Variants in MAPRE2 observed in about 807,000 individuals in gnomAD.
MAPRE2 encodes microtubule-associated protein RP/EB family member 2.
MAPRE2 carries 13 observed loss-of-function variants against 43.2 expected under a neutral mutation model. The observed-to-expected ratio is 0.30, with a 90% CI of 0.20 to 0.48. The LOEUF (loss-of-function observed/expected upper bound fraction) is 0.48, where lower values mean the gene tolerates loss of function less well. MAPRE2 is among the 20% of genes least tolerant of loss of function. The probability of loss-of-function intolerance (pLI) is 0.99; values close to 1 mark genes in which losing one functional copy is unlikely to be tolerated. For missense variants in MAPRE2, 161 were observed against 400.2 expected, an observed-to-expected ratio of 0.40 and a Z score of 5.10; for synonymous variants, 135 against 148.8, an observed-to-expected ratio of 0.91 and a Z score of 0.68.
chr18:35,043,430 T>A (rs998954877), intron 1 of MAPRE2, among the ~76,000 whole-genome samples: 1 of 152,232 alleles, frequency 6.6e-6, no homozygotes, highest in Non-Finnish European at 1.5e-5. Flanking sequence ...GTAAACTAAC[T>A]TGAAACGGCA....
chr18:35,105,152 A>G lies in MAPRE2; in HGVS notation c.610+2993A>G, dbSNP rs543056167. Among the ~76,000 whole-genome samples, 8 of 152,266 alleles carry G rather than the reference A, an allele frequency of 5.3e-5. No individual in the cohort carries two copies. The South Asian group carries it at 1.7e-3, about 32-fold the overall frequency. ...CGTGTGCCATTTTGATAGAATGTCCATGAACCTGAAAGAGAAATATATATT... is the reference window on the plus strand; with the variant it reads ...CGTGTGCCATTTTGATAGAATGTCCGTGAACCTGAAAGAGAAATATATATT... On this transcript the variant is annotated intron_variant, in intron 4 of 6. Coordinates refer to ENST00000300249, the MANE Select transcript of MAPRE2 (RefSeq NM_014268.4).
intron 2 of MAPRE2, among the ~76,000 whole-genome samples, chr18:35,075,705 T>A (rs1331083062): frequency 1.3e-5 from 2 of 152,126 alleles, no homozygotes; most frequent in East Asian, 3.9e-4. Flanking sequence ...ATGCTAATTT[T>A]AAAAGTTTAC....
In MAPRE2 at chr18:34,983,804, G is replaced by A. The variant is rs572267912; in HGVS notation, c.-70+6725G>A. ...GCCACCATATCCGGCTAATTTTTAT[G>A]TTTTTGGTAGAGATGAGGTTTCACC... On this transcript the variant is annotated intron_variant, in intron 1 of 7. Coordinates refer to the MAPRE2 transcript ENST00000413393. Among the ~76,000 whole-genome samples the A allele has an allele frequency of 1.5e-3, 231 of 152,054 alleles. 4 individuals carry two copies. Among genetic ancestry groups the A allele is most frequent in the African/African-American group, 5.3e-3 (220 of 41,478 alleles).
chr18:35,034,575 A>G (rs1324446243), intron 2 of MAPRE2, among the ~76,000 whole-genome samples: 1 of 152,190 alleles, frequency 6.6e-6, no homozygotes, highest in South Asian at 2.1e-4. Context: ...TGAACAGGCA[A>G]CCTACAAAAT....
upstream of MAPRE2, among the ~76,000 whole-genome samples, chr18:35,037,773 T>C (rs1442628878): frequency 3.3e-5 from 5 of 152,178 alleles, no homozygotes; most frequent in African/African-American, 2.4e-5. Context: ...CCTCTTCCAT[T>C]TTAGACCATC....
chr18:35,053,084 G>T (rs1906035904), intron 1 of MAPRE2, among the ~76,000 whole-genome samples: 1 of 150,022 alleles, frequency 6.7e-6, no homozygotes, highest in Non-Finnish European at 1.5e-5. Flanking sequence ...TCCATCCTCA[G>T]TAAGTACATA....
intron 2 of MAPRE2, among the ~76,000 whole-genome samples, chr18:35,087,103 A>T (rs1907916120): frequency 6.6e-6 from 1 of 152,144 alleles, no homozygotes; most frequent in East Asian, 1.9e-4. Context: ...ATGAATGTTC[A>T]TTTTTGAGCT....
chr18:34,989,813 A>G (rs1314311999), intron 1 of MAPRE2, among the ~76,000 whole-genome samples: 4 of 151,956 alleles, frequency 2.6e-5, no homozygotes, highest in Admixed American at 2.6e-4. Context: ...TTCTGCAGAC[A>G]TTCTCATTCA....
At chr18:35,082,456 C>CTAA (rs1329955437) in intron 2 of MAPRE2, among the ~76,000 whole-genome samples, 19 of 152,146 alleles carry the variant, frequency 1.2e-4, no homozygotes, top group Non-Finnish European at 1.5e-5. Flanking sequence ...AGCTGCATTC[C>CTAA]ACCTTTCCAA....
chr18:35,073,244 T>C (rs139225594), intron 2 of MAPRE2, among the ~76,000 whole-genome samples: 221 of 152,340 alleles, frequency 1.5e-3, no homozygotes, highest in African/African-American at 5.1e-3. Context: ...TAATTTAATC[T>C]GTGACTTTTG....
intron 2 of MAPRE2, among the ~76,000 whole-genome samples, chr18:35,032,227 G>A (rs2097048158): frequency 6.6e-6 from 1 of 152,160 alleles, no homozygotes; most frequent in Non-Finnish European, 1.5e-5. Context: ...GGAATCTTCT[G>A]TCTGTATTTG....
chr18:35,061,880 G>A (rs1042549315), intron 1 of MAPRE2, among the ~76,000 whole-genome samples: 2 of 152,206 alleles, frequency 1.3e-5, no homozygotes, highest in Non-Finnish European at 2.9e-5. Flanking sequence ...AAGAGAAAGT[G>A]ATGAATCTAG....
At chr18:35,005,339 A>G (rs2097031340) in intron 1 of MAPRE2, among the ~76,000 whole-genome samples, 1 of 152,174 alleles carries the variant, frequency 6.6e-6, no homozygotes, top group African/African-American at 2.4e-5. Flanking sequence ...ATATGGTAAG[A>G]TTGATTGACT....
At chr18:35,077,771 C>T (rs1281344826) in intron 2 of MAPRE2, among the ~76,000 whole-genome samples, 2 of 152,126 alleles carry the variant, frequency 1.3e-5, no homozygotes, top group African/African-American at 2.4e-5. Flanking sequence ...AGAGCCATTT[C>T]TCTTCTGATT....
chr18:35,028,795 A>G (rs908608430), intron 2 of MAPRE2, among the ~76,000 whole-genome samples: 3 of 152,248 alleles, frequency 2.0e-5, no homozygotes, highest in Non-Finnish European at 1.5e-5. Context: ...GAAGGCAGAT[A>G]GGATCTGTCC....
chr18:34,978,612 A>T, intron 1 of MAPRE2: 1 of 1,332,008 alleles, frequency 7.5e-7, no homozygotes, highest in Non-Finnish European at 1.1e-6. Context: ...TTTATCAAGC[A>T]AAAAGGGGTA....
rs553411075 is a variant in MAPRE2, at chr18:35,042,550, G to A, written c.122+889G>A. The stretch of plus-strand genomic sequence containing the variant: ...TAAAATTGTTTGCATTGTTTGATAA[G>A]GATAACAATGTAATGGAGAATGCAG... On this transcript the variant is annotated intron_variant, in intron 1 of 6. Transcript: ENST00000300249. 3.3e-5 allele frequency among the ~76,000 whole-genome samples: 5 copies of A among 152,282 alleles called. No homozygotes were observed. The East Asian group carries it at 9.6e-4, about 29-fold the overall frequency.
intron 1 of MAPRE2, among the ~76,000 whole-genome samples, chr18:34,985,032 T>TAAA (rs2097018689): frequency 2.1e-5 from 1 of 46,956 alleles, no homozygotes; most frequent in African/African-American, 8.4e-5. Context: ...ATATATAAAA[T>TAAA]ATATAATATA....
chr18:35,070,278 A>G lies in MAPRE2; in HGVS notation c.206A>G (p.Asp69Gly). ...CATGACATCATTGCATGGGTTAATGACATAGTATCTTTAAACTACACAAAA... is the reference window on the plus strand; with the variant it reads ...CATGACATCATTGCATGGGTTAATGGCATAGTATCTTTAAACTACACAAAA... ...SRHDIIAWVN[D>G]IVSLNYTKVE... The change falls in exon 2 of 7, where the codon GAC becomes GGC. Residue 69 changes from aspartate (D) to glycine (G), a missense_variant. Asp to Gly is a moderately conservative substitution (Grantham distance 94). Transcript: ENST00000300249. 6.2e-7 allele frequency: 1 copy of G among 1,611,438 alleles called. No individual in the cohort carries two copies. Among genetic ancestry groups the G allele is most frequent in the South Asian group, 1.1e-5 (1 of 90,424 alleles).
Sources: gnomAD v4.1 joint callset for allele counts (sites outside exome capture counted in the v4.1 genomes callset) on GRCh38, gnomAD v4.1.1 for gene constraint, MANE v1.5 for transcripts, NCBI Gene and HGNC (gene_info 2026-07-23, HGNC 2026-07-21) for gene names.